MALL: variants seen among roughly 807,000 people sequenced by gnomAD.
MALL encodes the protein MAL-like protein.
In MALL, 2 loss-of-function variants were observed where a neutral mutation model predicts 10.3. That is an observed-to-expected ratio of 0.19 (90% CI 0.08 to 0.61). The LOEUF is 0.61. MALL is among the 20% of genes least tolerant of loss of function. The pLI is 0.88. For synonymous variants in MALL, 27 were observed against 51.8 expected, an observed-to-expected ratio of 0.52 and a Z score of 2.05; for missense variants, 39 against 115.2, an observed-to-expected ratio of 0.34 and a Z score of 3.03.
intron 1 of MALL, among the ~76,000 whole-genome samples, chr2:110,099,332 C>T (rs1359243756): frequency 6.6e-6 from 1 of 152,150 alleles, no homozygotes; most frequent in East Asian, 1.9e-4. Context: ...ATGTCAATGA[C>T]TGTGAAAGTG....
At chr2:110,105,937 G>A (rs1259970845) in intron 1 of MALL, among the ~76,000 whole-genome samples, 3 of 152,178 alleles carry the variant, frequency 2.0e-5, no homozygotes, top group Non-Finnish European at 4.4e-5. Context: ...AGGTGGTACT[G>A]GCCATTTGGG....
chr2:110,117,644 A>AGAG (rs1678948110), upstream of MALL, among the ~76,000 whole-genome samples: 1 of 151,318 alleles, frequency 6.6e-6, no homozygotes, highest in South Asian at 2.1e-4. Context: ...AGAGAGAGAG[A>AGAG]GAGAGAGAGA....
At chr2:110,105,241 G>C (rs912466809) in intron 1 of MALL, among the ~76,000 whole-genome samples, 4 of 152,218 alleles carry the variant, frequency 2.6e-5, no homozygotes, top group African/African-American at 7.2e-5. Context: ...TCCCAGAGTA[G>C]GGGCTGGGCC....
chr2:110,099,801 C>G (rs1188708187), intron 1 of MALL, among the ~76,000 whole-genome samples: 1 of 152,090 alleles, frequency 6.6e-6, no homozygotes, highest in Non-Finnish European at 1.5e-5. Context: ...AGTGGTGAAC[C>G]TGGAGCTATG....
At chr2:110,116,259 A>T (rs1196008954), upstream of MALL, 1 of 155,098 alleles carries the variant, frequency 6.4e-6, no homozygotes, top group African/African-American at 2.4e-5. Flanking sequence ...CCAAGTGAGG[A>T]GACTGAGAAT....
intron 1 of MALL, among the ~76,000 whole-genome samples, chr2:110,101,377 T>G (rs1678561223): frequency 6.8e-6 from 1 of 147,588 alleles, no homozygotes; most frequent in Non-Finnish European, 1.6e-5. Flanking sequence ...GGAGGGAGAA[T>G]TTTCTTTTTC....
intron 1 of MALL, among the ~76,000 whole-genome samples, chr2:110,095,780 T>C (rs1428209137): frequency 6.6e-6 from 1 of 151,856 alleles, no homozygotes; most frequent in African/African-American, 2.4e-5. Flanking sequence ...ATACCAGGTT[T>C]GGAGAGGGAG....
At chr2:110,099,758 A>G (rs544511477) in intron 1 of MALL, among the ~76,000 whole-genome samples, 24 of 152,204 alleles carry the variant, frequency 1.6e-4, no homozygotes, top group African/African-American at 4.8e-4. Flanking sequence ...ACAGGGCACA[A>G]TGGTCCCTTT....
At position 110,114,598 on chromosome 2, in the gene MALL, A is replaced by C. The variant is rs1016272508; in HGVS notation, c.105+1090T>G. On this transcript the variant is annotated intron_variant, in intron 1 of 3. Transcript: ENST00000272462. ...CTTAGGTGGGGTTTCAGCTGGAGCC[A>C]CTCAGATCCTAGGCCCACCCTGCCT... Among the ~76,000 whole-genome samples the C allele has an allele frequency of 7.3e-5, 11 of 151,472 alleles. No individual in the cohort carries two copies. The East Asian group carries it at 2.0e-3, about 27-fold the overall frequency.
At chr2:110,107,693 G>A (rs1294513122) in intron 1 of MALL, among the ~76,000 whole-genome samples, 1 of 152,162 alleles carries the variant, frequency 6.6e-6, no homozygotes, top group African/African-American at 2.4e-5. Context: ...TACAGCTGCT[G>A]CTTTTTGGAA....
At chr2:110,098,049 C>T (rs949270577) in intron 1 of MALL, among the ~76,000 whole-genome samples, 1 of 151,904 alleles carries the variant, frequency 6.6e-6, no homozygotes, top group East Asian at 1.9e-4. Flanking sequence ...CACATGCGGG[C>T]GTTGCCCACG....
At chr2:110,117,622 T>TGA (rs1484856700), upstream of MALL, among the ~76,000 whole-genome samples, 12 of 120,612 alleles carry the variant, frequency 9.9e-5, no homozygotes, top group South Asian at 2.8e-4. Flanking sequence ...TGTGTGTGTG[T>TGA]GTGAGAGAGA....
At chr2:110,110,234 T>A (rs1420777857) in intron 1 of MALL, among the ~76,000 whole-genome samples, 1 of 151,680 alleles carries the variant, frequency 6.6e-6, no homozygotes, top group Non-Finnish European at 1.5e-5. Flanking sequence ...CAGAACTAAA[T>A]GAAATTGAAA....
chr2:110,095,463 C>T (rs1377526230), intron 1 of MALL, among the ~76,000 whole-genome samples: 1 of 151,962 alleles, frequency 6.6e-6, no homozygotes, highest in Non-Finnish European at 1.5e-5. Context: ...CTTGAAAGGA[C>T]GTCTTAAGGA....
intron 1 of MALL, 146 bp downstream of exon 1, chr2:110,115,542 C>G (rs184708229): frequency 1.6e-4 from 67 of 430,550 alleles, no homozygotes; most frequent in Middle Eastern, 1.2e-3. Flanking sequence ...GTCTCCCCCC[C>G]CCTCTCTGCA....
intron 1 of MALL, among the ~76,000 whole-genome samples, chr2:110,098,723 A>C (rs1678496954): frequency 6.6e-6 from 1 of 152,170 alleles, no homozygotes; most frequent in South Asian, 2.1e-4. Flanking sequence ...AGGAAAAAAC[A>C]GCTGGGTGCA....
intron 1 of MALL, among the ~76,000 whole-genome samples, chr2:110,100,960 C>T (rs1230940109): frequency 6.6e-6 from 1 of 152,142 alleles, no homozygotes; most frequent in African/African-American, 2.4e-5. Context: ...CACACGCATG[C>T]TCCTACCCCA....
intron 1 of MALL, among the ~76,000 whole-genome samples, chr2:110,097,987 C>T (rs1428216693): frequency 6.6e-6 from 1 of 151,922 alleles, no homozygotes; most frequent in South Asian, 2.1e-4. Flanking sequence ...ACAGGTGAGC[C>T]GGGGTCTCCT....
rs73954606 is a variant in MALL, at chr2:110,115,197, G to T, written c.105+491C>A. ...ACACTGGAAGACCTACTCTCAGAGG[G>T]AAACACAGTCTCCTCACTTCAAACC... is the stretch of plus-strand genomic sequence containing the variant. On this transcript the variant is annotated intron_variant, in intron 1 of 3. Coordinates refer to ENST00000272462, the MANE Select transcript of MALL (RefSeq NM_005434.5). 8.8e-3 allele frequency among the ~76,000 whole-genome samples: 1,335 copies of T among 152,320 alleles called. 18 individuals carry two copies. Among genetic ancestry groups the T allele is most frequent in the African/African-American group, 0.031 (1,278 of 41,564 alleles).
Sources: allele counts gnomAD v4.1 joint callset (sites outside exome capture counted in the v4.1 genomes callset), GRCh38; gene constraint gnomAD v4.1.1; transcripts MANE v1.5; gene names NCBI Gene and HGNC (gene_info 2026-07-23, HGNC 2026-07-21).